GRIA3: variants seen among roughly 807,000 people sequenced by gnomAD.
The protein encoded by GRIA3 is glutamate ionotropic receptor AMPA type subunit 3.
A neutral mutation model predicts 63.0 loss-of-function variants in GRIA3; 3 were observed. The ratio of observed to expected loss-of-function variants is 0.05; its 90% CI spans 0.02 to 0.12. The LOEUF (loss-of-function observed/expected upper bound fraction) is 0.12. Ranked by LOEUF, GRIA3 falls within the 10% of genes least tolerant of loss-of-function variation. GRIA3 has a pLI of 1.00. For missense variants in GRIA3, 347 were observed against 700.9 expected (o/e 0.50, Z 5.70); for synonymous variants, 274 against 257.9 (o/e 1.06, Z -0.60).
chrX:123,327,830 C>T (rs754546998), intron 4 of GRIA3, among the ~76,000 whole-genome samples: 1 of 95,861 alleles, frequency 1.0e-5, no homozygotes, highest in African/African-American at 4.1e-5. Flanking sequence ...CCCCTTCCCC[C>T]CCACAAAAAA....
At chrX:123,362,120 C>T (rs1489452376) in intron 5 of GRIA3, among the ~76,000 whole-genome samples, 1 of 111,751 alleles carries the variant, frequency 8.9e-6, no homozygotes, top group African/African-American at 3.3e-5. Flanking sequence ...CTCTGAAGGT[C>T]TTTACAGTAA....
intron 5 of GRIA3, among the ~76,000 whole-genome samples, chrX:123,382,008 G>A (rs1195411138): frequency 1.8e-5 from 2 of 111,977 alleles, no homozygotes; most frequent in Non-Finnish European, 3.8e-5. Context: ...AGGACTATTG[G>A]TTGCTCTATC....
chrX:123,267,899 G>A (rs1390496203), intron 3 of GRIA3, among the ~76,000 whole-genome samples: 1 of 111,342 alleles, frequency 9.0e-6, no homozygotes, highest in African/African-American at 3.3e-5. Flanking sequence ...ATCCTTTTGA[G>A]GGACTAGCAG....
At chrX:123,260,888 C>T (rs764432180) in intron 3 of GRIA3, among the ~76,000 whole-genome samples, 3 of 110,527 alleles carry the variant, frequency 2.7e-5, no homozygotes, top group South Asian at 7.9e-4. Context: ...CTTGAGAGCC[C>T]GCACAATAAT....
At chrX:123,271,361 A>T (rs1191985737) in intron 3 of GRIA3, among the ~76,000 whole-genome samples, 4 of 111,891 alleles carry the variant, frequency 3.6e-5, no homozygotes, top group Non-Finnish European at 7.5e-5. Flanking sequence ...TTCATACTTA[A>T]TGAGGAGGGC....
intron 14 of GRIA3, 51 bp downstream of exon 14, chrX:123,480,228 A>G: frequency 2.5e-6 from 2 of 814,638 alleles, no homozygotes; most frequent in Non-Finnish European, 3.7e-6. Context: ...ATTTTGACCC[A>G]CTGTTTATTT....
At chrX:123,483,984 C>G (rs1380577513) in intron 15 of GRIA3, among the ~76,000 whole-genome samples, 1 of 111,158 alleles carries the variant, frequency 9.0e-6, no homozygotes, top group East Asian at 2.8e-4. Flanking sequence ...AGTAATACAG[C>G]ACTTCCATAG....
intron 3 of GRIA3, among the ~76,000 whole-genome samples, chrX:123,324,042 A>G (rs1384145552): frequency 8.9e-6 from 1 of 111,840 alleles, no homozygotes. Flanking sequence ...ACTTGTCATC[A>G]TGCCATAAAA....
At chrX:123,198,256 T>G (rs1367285649) in intron 2 of GRIA3, among the ~76,000 whole-genome samples, 2 of 111,985 alleles carry the variant, frequency 1.8e-5, no homozygotes, top group Non-Finnish European at 3.8e-5. Flanking sequence ...CTAAATGCAT[T>G]CTAATCTTGG....
At chrX:123,259,546 T>C (rs1337856787) in intron 3 of GRIA3, among the ~76,000 whole-genome samples, 1 of 110,206 alleles carries the variant, frequency 9.1e-6, no homozygotes, top group Non-Finnish European at 1.9e-5. Flanking sequence ...TACCAATCAA[T>C]GACACATGTC....
intron 2 of GRIA3, among the ~76,000 whole-genome samples, chrX:123,222,279 A>G (rs1353169984): frequency 8.9e-6 from 1 of 112,359 alleles, no homozygotes; most frequent in African/African-American, 3.2e-5. Flanking sequence ...GCAGACACTC[A>G]AAATATTTTA....
At chrX:123,348,103 A>T (rs2045064900) in intron 4 of GRIA3, among the ~76,000 whole-genome samples, 1 of 111,851 alleles carries the variant, frequency 8.9e-6, no homozygotes. Context: ...CAAGCTTGCT[A>T]CTCAGTACCC....
chrX:123,241,459 G>T (rs2044329282), intron 2 of GRIA3, among the ~76,000 whole-genome samples: 1 of 110,982 alleles, frequency 9.0e-6, no homozygotes, highest in Non-Finnish European at 1.9e-5. Context: ...TTTGTTTGTT[G>T]TTGTGGTTTT....
In GRIA3 at chrX:123,184,566, G is replaced by C; in HGVS notation, c.31G>C (p.Val11Leu). Residue 11 changes from valine to leucine, a missense_variant, in exon 1 of 16, where the codon GTG (valine) becomes CTG (leucine). Physicochemically the swap from Val to Leu is conservative, Grantham distance 32. Around this residue, in one of 8 missense-constraint regions of GRIA3, gnomAD observed 36 missense variants for 28.2 expected, o/e 1.28. Transcript: ENST00000620443. Reference protein sequence around the residue: MARQKKMGQSVLRAVFFLVLG... With the variant: MARQKKMGQSLLRAVFFLVLG... Reference sequence around the variant, plus strand: ...CAGGCAGAAGAAAATGGGGCAAAGCGTGCTCCGGGCGGTCTTCTTTTTAGT... The same window carrying C: ...CAGGCAGAAGAAAATGGGGCAAAGCCTGCTCCGGGCGGTCTTCTTTTTAGT... 8.3e-7 allele frequency: 1 copy of C among 1,210,206 alleles called. No individual in the cohort carries two copies. Among genetic ancestry groups the C allele is most frequent in the Non-Finnish European group, 1.1e-6 (1 of 894,440 alleles).
chrX:123,365,824 T>TG (rs1230373938), intron 5 of GRIA3, among the ~76,000 whole-genome samples: 1 of 111,817 alleles, frequency 8.9e-6, no homozygotes, highest in Non-Finnish European at 1.9e-5. Flanking sequence ...TCTTTTTTTA[T>TG]TTTTTTTAAG....
At chrX:123,381,534 A>G (rs1331993380) in intron 5 of GRIA3, among the ~76,000 whole-genome samples, 1 of 111,793 alleles carries the variant, frequency 8.9e-6, no homozygotes, top group Admixed American at 9.5e-5. Context: ...TTAAAATGTT[A>G]GGATAAGAAG....
At chrX:123,266,503 T>C in intron 3 of GRIA3, among the ~76,000 whole-genome samples, 1 of 111,269 alleles carries the variant, frequency 9.0e-6, no homozygotes, top group Non-Finnish European at 1.9e-5. Flanking sequence ...ACGTTTCCAC[T>C]GCCACTGACT....
intron 11 of GRIA3, among the ~76,000 whole-genome samples, chrX:123,427,382 G>A (rs1316461317): frequency 9.0e-6 from 1 of 110,867 alleles, no homozygotes; most frequent in Non-Finnish European, 1.9e-5. Context: ...GGTGGGCCTG[G>A]GCATGAGTTT....
intron 10 of GRIA3, among the ~76,000 whole-genome samples, chrX:123,409,218 T>A (rs1431033649): frequency 8.9e-6 from 1 of 111,945 alleles, no homozygotes; most frequent in Non-Finnish European, 1.9e-5. Flanking sequence ...AGGGTATTTC[T>A]CTTATGCTTT....
Sources: allele counts gnomAD v4.1 joint callset (sites outside exome capture counted in the v4.1 genomes callset), GRCh38; gene constraint gnomAD v4.1.1; regional missense constraint gnomAD v4.1.1; transcripts MANE v1.5; gene names NCBI Gene and HGNC (gene_info 2026-07-23, HGNC 2026-07-21).